Variants in HEG1 observed in about 807,000 individuals in gnomAD.
HEG1 encodes the protein protein HEG homolog 1.
In HEG1, 56 loss-of-function variants were observed where a neutral mutation model predicts 125.6. The observed-to-expected ratio is 0.45, with a 90% confidence interval of 0.36 to 0.56. HEG1 has a LOEUF of 0.56. Ranked by LOEUF, HEG1 falls within the 20% of genes least tolerant of loss-of-function variation. The pLI, the probability that HEG1 is intolerant of heterozygous loss-of-function variation, is 0.00. For missense variants in HEG1, 1,523 were observed against 1,670.0 expected (o/e 0.91, Z 1.53); for synonymous variants, 644 against 668.5 (o/e 0.96, Z 0.57).
At chr3:125,023,480 T>C (rs1190790061) in intron 3 of HEG1, among the ~76,000 whole-genome samples, 1 of 152,202 alleles carries the variant, frequency 6.6e-6, no homozygotes, top group Admixed American at 6.5e-5. Context: ...TGACCAATTA[T>C]GACTTGCAAG....
At chr3:125,048,229 T>C (rs936468903) in intron 1 of HEG1, among the ~76,000 whole-genome samples, 20 of 152,238 alleles carry the variant, frequency 1.3e-4, no homozygotes, top group African/African-American at 4.8e-4. Flanking sequence ...CTGTCCATTT[T>C]TAATAGCCTC....
rs201606397 is a variant in HEG1 at position 125,013,147 on chromosome 3, G to A, written c.2432C>T (p.Thr811Ile). Residue 811 changes from threonine to isoleucine, a missense_variant, in exon 6 of 17, where the codon ACA becomes ATA. Physicochemically the swap from Thr to Ile is moderately conservative, Grantham distance 89. Transcript: ENST00000311127. ...TAAGGATGGAGGCAAAGGAGAGTTT[G>A]TTGTTACAGCTTTGGTGGACTCTGT... is the stretch of plus-strand genomic sequence containing the variant. The part of the protein sequence containing the change: ...LPTESTKAVT[T>I]NSPLPPSLTE... 59 of 1,614,030 alleles carry A rather than the reference G, an allele frequency of 3.7e-5. No homozygotes were observed. The East Asian group carries it at 1.1e-3, about 31-fold the overall frequency.
Position 125,013,453 on chromosome 3 carries a change from G to T in HEG1, c.2126C>A (p.Ser709Tyr), listed in dbSNP as rs771800242. Residue 709 changes from serine (S) to tyrosine (Y), a missense_variant, in exon 6 of 17, where the codon TCC becomes TAC. Coordinates refer to ENST00000311127, the MANE Select transcript of HEG1 (RefSeq NM_020733.2). ...VHLLKSTSDASTPWSSSPSPL... is the reference protein window; with the variant it reads ...VHLLKSTSDAYTPWSSSPSPL... ...TGATGGTGAGGAAGACCATGGTGTG[G>T]ATGCATCAGAGGTAGACTTTAGTAG... 4.3e-6 allele frequency: 7 copies of T among 1,613,766 alleles called. No individual in the cohort carries two copies. Among genetic ancestry groups the T allele is most frequent in the African/African-American group, 1.3e-5 (1 of 74,886 alleles).
Position 125,013,297 on chromosome 3 carries a change from G to A in HEG1, c.2282C>T (p.Ser761Leu). Residue 761 changes from serine (S) to leucine (L), a missense_variant, in exon 6 of 17, where the codon TCA becomes TTA. Physicochemically the swap from Ser to Leu is moderately radical, Grantham distance 145 (BLOSUM62 -2). Coordinates refer to ENST00000311127, the MANE Select transcript of HEG1 (RefSeq NM_020733.2). ...CATTGTCATGAATGATGTCATTGTT[G>A]ATGTCTGAAATGAAGTCACAGGAGT... Reference protein sequence around the residue: ...RETPVTSFQTSTMTSFMTMLH... With the variant: ...RETPVTSFQTLTMTSFMTMLH... 1 of 1,614,030 alleles carries A rather than the reference G, an allele frequency of 6.2e-7. No individual in the cohort carries two copies. The highest frequency in any genetic ancestry group is 1.1e-5 in the South Asian group (1 of 91,078).
rs374370949 is a variant in HEG1, at chr3:124,998,021, G to C, written c.3518-198C>G. Among the ~76,000 whole-genome samples, 120 of 152,242 alleles carry C rather than the reference G, an allele frequency of 7.9e-4. No individual in the cohort carries two copies. In the South Asian group the frequency reaches 0.025, roughly 32 times the overall value. On this transcript the variant is annotated intron_variant, in intron 11 of 16. Coordinates refer to ENST00000311127, the MANE Select transcript of HEG1 (RefSeq NM_020733.2). ...TACTGCCTTCTGCCACTCCTTCTCT[G>C]ATCAGCCGCAGGCTGTGCACCAGTG...
intron 3 of HEG1, among the ~76,000 whole-genome samples, chr3:125,025,368 T>C (rs1457981040): frequency 1.3e-5 from 2 of 152,136 alleles, no homozygotes; most frequent in Non-Finnish European, 2.9e-5. Flanking sequence ...ATCTCTAATA[T>C]CTAAAAGGGT....
At position 125,013,068 on chromosome 3, in the gene HEG1, T is replaced by C. The variant is rs1178106635; in HGVS notation, c.2511A>G (p.Gln837=). The change falls in exon 6 of 17, where the codon CAA becomes CAG. Residue 837 remains glutamine (Q), a synonymous_variant. Transcript: ENST00000311127. ...TGGTAGTTGTGAAAGTTGGAGACAT[T>C]TGTGCTAAGTTGGTGCTTGTGGCTG... is the stretch of plus-strand genomic sequence containing the variant. ...TLPATSTNLA[Q]MSPTFTTTIL... is the part of the protein sequence containing the mutation. 1 of 1,613,916 alleles carries C rather than the reference T, an allele frequency of 6.2e-7. No individual in the cohort carries two copies. Among genetic ancestry groups the C allele is most frequent in the East Asian group, 2.2e-5 (1 of 44,884 alleles).
chr3:125,013,446 T>C lies in HEG1; in HGVS notation c.2133A>G (p.Pro711=), dbSNP rs749238138. The C allele has an allele frequency of 1.7e-5, 28 of 1,613,874 alleles. No homozygotes were observed. Among genetic ancestry groups the C allele is most frequent in the South Asian group, 1.5e-4 (14 of 91,068 alleles). Residue 711 remains proline, a synonymous_variant, in exon 6 of 17, where the codon CCA becomes CCG. Transcript: ENST00000311127. ...GTAAAGGTGATGGTGAGGAAGACCA[T>C]GGTGTGGATGCATCAGAGGTAGACT... ...LLKSTSDAST[P]WSSSPSPLPV...
Position 125,027,209 on chromosome 3 carries a change from G to A in HEG1, c.909C>T (p.Ser303=), listed in dbSNP as rs1479530545. 2 of 1,595,490 alleles carry A rather than the reference G, an allele frequency of 1.3e-6. No individual in the cohort carries two copies. Among genetic ancestry groups the A allele is most frequent in the Non-Finnish European group, 8.5e-7 (1 of 1,171,126 alleles). ...TAASSPLLDL[S]SSSESTEKLN... ...AGCTGGGTATGTGGCACTCACATGA[G>A]GAAAGGTCTAAGAGAGGAGAGGAAG... The change falls in exon 3 of 17, where the codon TCC becomes TCT. Residue 303 remains serine, a synonymous_variant. Coordinates refer to ENST00000311127, the MANE Select transcript of HEG1 (RefSeq NM_020733.2).
chr3:125,038,438 A>T (rs887976944), intron 1 of HEG1, among the ~76,000 whole-genome samples: 12 of 152,140 alleles, frequency 7.9e-5, no homozygotes, highest in Admixed American at 7.8e-4. Context: ...CTTATTGCCT[A>T]CTAACTCTTC....
chr3:124,981,321 T>A (rs747218261), intron 14 of HEG1, among the ~76,000 whole-genome samples: 1 of 152,008 alleles, frequency 6.6e-6, no homozygotes, highest in Non-Finnish European at 1.5e-5. Flanking sequence ...TAAAACTCTT[T>A]TCCAAGGCTC....
chr3:125,007,828 T>G (rs1937094420), intron 8 of HEG1, among the ~76,000 whole-genome samples: 1 of 152,208 alleles, frequency 6.6e-6, no homozygotes, highest in African/African-American at 2.4e-5. Context: ...TTCTCTATTC[T>G]TAAACTGAAA....
At chr3:125,054,448 T>G (rs1937885776) in intron 1 of HEG1, among the ~76,000 whole-genome samples, 1 of 152,250 alleles carries the variant, frequency 6.6e-6, no homozygotes, top group Non-Finnish European at 1.5e-5. Flanking sequence ...TATTTAACTC[T>G]AAGAAGCACC....
At chr3:125,024,314 A>G (rs1351443753) in intron 3 of HEG1, among the ~76,000 whole-genome samples, 2 of 152,206 alleles carry the variant, frequency 1.3e-5, no homozygotes, top group East Asian at 3.8e-4. Flanking sequence ...ACTTTATCTG[A>G]AAACAATTGC....
intron 1 of HEG1, among the ~76,000 whole-genome samples, chr3:125,051,491 G>T (rs1213778707): frequency 6.6e-6 from 1 of 152,330 alleles, no homozygotes; most frequent in Non-Finnish European, 1.5e-5. Flanking sequence ...TCCATTTACC[G>T]TGTGATCTAA....
At chr3:125,037,412 A>G (rs367592529) in intron 1 of HEG1, among the ~76,000 whole-genome samples, 4 of 152,326 alleles carry the variant, frequency 2.6e-5, no homozygotes, top group East Asian at 1.9e-4. Context: ...TGCTACTAAC[A>G]AAGTGTGTAG....
intron 8 of HEG1, among the ~76,000 whole-genome samples, chr3:125,005,868 G>C (rs1372357065): frequency 6.6e-6 from 1 of 152,148 alleles, no homozygotes; most frequent in Non-Finnish European, 1.5e-5. Flanking sequence ...CCACTTCAAG[G>C]GGGTGCTTCA....
At position 124,969,091 on chromosome 3, in the gene HEG1, G is replaced by C. The variant is rs945258306; in HGVS notation, c.*1561C>G. The C allele has an allele frequency of 6.6e-6, 1 of 152,166 alleles. No homozygotes were observed. The highest frequency in any genetic ancestry group is 2.4e-5 in the African/African-American group (1 of 41,420). The allele number at this position is 152,166 out of a possible 1,614,324, so 9.4% of individuals were successfully genotyped here. ...GACCTTGAAGAAACAACCATGCCCG[G>C]GGCAGAACTGTCCCCAGTGGCTGCA... is the stretch of plus-strand genomic sequence containing the variant. On this transcript the variant is annotated 3_prime_UTR_variant, in exon 17 of 17. Transcript: ENST00000311127.
intron 12 of HEG1, among the ~76,000 whole-genome samples, chr3:124,994,678 G>A (rs1027010575): frequency 1.2e-4 from 18 of 152,180 alleles, no homozygotes; most frequent in African/African-American, 4.3e-4. Flanking sequence ...GCTAATTTTT[G>A]TATTTTTAGT....
Sources: gnomAD v4.1 joint callset for allele counts (sites outside exome capture counted in the v4.1 genomes callset) on GRCh38, gnomAD v4.1.1 for gene constraint, MANE v1.5 for transcripts, NCBI Gene and HGNC (gene_info 2026-07-23, HGNC 2026-07-21) for gene names.